Variants in ADGRV1 observed in about 807,000 individuals in gnomAD.
The protein encoded by ADGRV1 is adhesion G protein-coupled receptor V1.
ADGRV1 carries 359 observed loss-of-function variants against 596.2 expected under a neutral mutation model. The observed-to-expected ratio is 0.60, with a 90% confidence interval of 0.55 to 0.66. The LOEUF (loss-of-function observed/expected upper bound fraction) is 0.66, where lower values mean the gene tolerates loss of function less well. Ranked by LOEUF, ADGRV1 falls within the 30% of genes least tolerant of loss-of-function variation. The pLI is 0.00. For synonymous variants in ADGRV1, 2,681 were observed against 2,679.2 expected, an observed-to-expected ratio of 1.00 and a Z score of -0.02; for missense variants, 7,274 against 7,575.6, an observed-to-expected ratio of 0.96 and a Z score of 1.48.
rs190866510 is a variant in ADGRV1, at chr5:90,995,990, T to C, written c.18152+10468T>C. 4.8e-4 allele frequency among the ~76,000 whole-genome samples: 73 copies of C among 152,248 alleles called. 1 individual carries two copies. In the East Asian group the frequency reaches 0.013, roughly 26 times the overall value. On this transcript the variant is annotated intron_variant, in intron 85 of 89. Transcript: ENST00000405460. Reference sequence around the variant, plus strand: ...GCTGCTTCTAAAAGCCTATGCTCATTTGCATAAAGAAATGACCTGAAATAT... The same window carrying C: ...GCTGCTTCTAAAAGCCTATGCTCATCTGCATAAAGAAATGACCTGAAATAT...
intron 87 of ADGRV1, among the ~76,000 whole-genome samples, chr5:91,113,484 A>G (rs1258560551): frequency 1.3e-5 from 2 of 152,174 alleles, no homozygotes; most frequent in Admixed American, 1.3e-4. Flanking sequence ...TCCAGTAGAA[A>G]ATGGGTGTCC....
chr5:90,691,512 G>C (rs1415524625), intron 31 of ADGRV1, among the ~76,000 whole-genome samples: 2 of 151,204 alleles, frequency 1.3e-5, no homozygotes, highest in Non-Finnish European at 2.9e-5. Context: ...AGCCTTCCGA[G>C]TAGCTGGGAT....
In ADGRV1 at chr5:90,658,285, A is replaced by G; in HGVS notation, c.4752+7A>G. On this transcript the variant is annotated splice_region_variant and intron_variant, in intron 21 of 89. Coordinates refer to ENST00000405460, the MANE Select transcript of ADGRV1 (RefSeq NM_032119.4). Reference sequence around the variant, plus strand: ...AGGAGCTTGTATACCAGAGGTAAGTAGTGAGCTTGGAGAATTTTGGATTTA... The same window carrying G: ...AGGAGCTTGTATACCAGAGGTAAGTGGTGAGCTTGGAGAATTTTGGATTTA... 1.4e-6 allele frequency: 2 copies of G among 1,480,388 alleles called. No homozygotes were observed. The highest frequency in any genetic ancestry group is 1.6e-5 in the South Asian group (1 of 63,400). The allele number at this position is 1,480,388 out of a possible 1,614,324, so 91.7% of individuals were successfully genotyped here.
At chr5:90,662,765 C>A (rs1302218481) in intron 21 of ADGRV1, among the ~76,000 whole-genome samples, 2 of 152,072 alleles carry the variant, frequency 1.3e-5, no homozygotes, top group East Asian at 1.9e-4. Flanking sequence ...TTCCCCCTCC[C>A]CCCACCACAC....
At chr5:90,976,318 G>A (rs1482428276) in intron 84 of ADGRV1, among the ~76,000 whole-genome samples, 9,052 of 119,590 alleles carry the variant, frequency 0.076, 367 homozygotes, top group Non-Finnish European at 0.11. Context: ...GTGTGTGTGT[G>A]TGTGTATATA....
chr5:90,940,405 A>G (rs770720153), intron 83 of ADGRV1, among the ~76,000 whole-genome samples: 18 of 152,218 alleles, frequency 1.2e-4, no homozygotes, highest in Non-Finnish European at 2.4e-4. Flanking sequence ...TGAATCATCC[A>G]TGATTTTGTT....
At chr5:90,756,663 C>T in intron 56 of ADGRV1, 33 bp downstream of exon 56, 2 of 1,556,890 alleles carry the variant, frequency 1.3e-6, no homozygotes, top group Non-Finnish European at 1.8e-6. Flanking sequence ...TACAGTCATA[C>T]AGAGGCCTCT....
chr5:91,078,933 A>C (rs766755215), intron 86 of ADGRV1, among the ~76,000 whole-genome samples: 2 of 152,196 alleles, frequency 1.3e-5, no homozygotes, highest in African/African-American at 4.8e-5. Flanking sequence ...CATTATTCTC[A>C]CATCAAACTT....
At chr5:91,142,359 TA>T (rs760817602) in intron 87 of ADGRV1, among the ~76,000 whole-genome samples, 7 of 152,234 alleles carry the variant, frequency 4.6e-5, no homozygotes, top group Non-Finnish European at 8.8e-5. Context: ...CTTCCTTTTT[TA>T]ATTCCAAATT....
intron 21 of ADGRV1, among the ~76,000 whole-genome samples, chr5:90,664,902 A>G (rs1249650156): frequency 6.6e-6 from 1 of 151,282 alleles, no homozygotes; most frequent in Admixed American, 6.6e-5. Flanking sequence ...CTCTGTTTAT[A>G]TGCTGGATTA....
chr5:90,894,528 G>A (rs1175228832), intron 83 of ADGRV1, among the ~76,000 whole-genome samples: 1 of 152,138 alleles, frequency 6.6e-6, no homozygotes, highest in African/African-American at 2.4e-5. Context: ...AAACTGAGCA[G>A]ATTAACAAAT....
chr5:90,821,177 T>G (rs1581229205), intron 75 of ADGRV1, among the ~76,000 whole-genome samples: 1 of 151,490 alleles, frequency 6.6e-6, no homozygotes, highest in African/African-American at 2.4e-5. Flanking sequence ...CATCTTCCAT[T>G]GCTGATACCC....
intron 84 of ADGRV1, among the ~76,000 whole-genome samples, chr5:90,970,081 C>T (rs372955749): frequency 3.6e-4 from 55 of 152,348 alleles, no homozygotes; most frequent in African/African-American, 2.9e-4. Flanking sequence ...GATTATATCC[C>T]GTGCCTGGCT....
At chr5:91,040,446 T>G (rs1316507309) in intron 85 of ADGRV1, among the ~76,000 whole-genome samples, 1 of 152,196 alleles carries the variant, frequency 6.6e-6, no homozygotes, top group Non-Finnish European at 1.5e-5. Context: ...TCACATCTGA[T>G]AGGCTGGAGC....
intron 38 of ADGRV1, among the ~76,000 whole-genome samples, chr5:90,708,487 A>G (rs995251207): frequency 1.3e-5 from 2 of 151,692 alleles, no homozygotes; most frequent in Admixed American, 6.6e-5. Flanking sequence ...ATTAGATATT[A>G]AGGTAATTTC....
At chr5:91,125,219 G>T (rs1793646804) in intron 87 of ADGRV1, among the ~76,000 whole-genome samples, 1 of 152,202 alleles carries the variant, frequency 6.6e-6, no homozygotes, top group Non-Finnish European at 1.5e-5. Flanking sequence ...GAGAAGCACA[G>T]AGGTTGACAT....
chr5:91,092,753 AATTAAATAGG>A (rs1790495307), intron 86 of ADGRV1: 1 of 152,194 alleles, frequency 6.6e-6, no homozygotes, highest in South Asian at 2.1e-4. Flanking sequence ...AGATGAAGTC[AATTAAATAGG>A]GCCATGGTTG....
chr5:90,946,512 T>C (rs1776589891), intron 83 of ADGRV1, among the ~76,000 whole-genome samples: 2 of 152,146 alleles, frequency 1.3e-5, no homozygotes, highest in South Asian at 4.1e-4. Context: ...GTTTGTTACG[T>C]AGGTAAACGT....
Position 90,720,150 on chromosome 5 carries a change from G to C in ADGRV1, c.9550G>C (p.Val3184Leu). The change falls in exon 44 of 90, where the codon GTT becomes CTT. Residue 3184 changes from valine (V) to leucine (L), a missense_variant. Val to Leu is a conservative substitution (Grantham distance 32). Around this residue, in one of 5 missense-constraint regions of ADGRV1, gnomAD observed 3,643 missense variants for 3,809.2 expected, o/e 0.96. Coordinates refer to ENST00000405460, the MANE Select transcript of ADGRV1 (RefSeq NM_032119.4). ...TGGAGGTGCTAGACTAGGGGTGCAT[G>C]TTCAAACCCTGATAACAGTTTTGCA... The part of the protein sequence containing the change: ...PTGGARLGVH[V>L]QTLITVLQNQ... 6.2e-7 allele frequency: 1 copy of C among 1,612,590 alleles called. No homozygotes were observed. Among genetic ancestry groups the C allele is most frequent in the South Asian group, 1.1e-5 (1 of 90,630 alleles).
Sources: allele counts gnomAD v4.1 joint callset (sites outside exome capture counted in the v4.1 genomes callset), GRCh38; gene constraint gnomAD v4.1.1; regional missense constraint gnomAD v4.1.1; transcripts MANE v1.5; gene names NCBI Gene and HGNC (gene_info 2026-07-23, HGNC 2026-07-21).